Variants in ADARB2 observed in about 807,000 individuals in gnomAD.
The protein encoded by ADARB2 is adenosine deaminase RNA specific B2 (inactive), also known as inactive double-stranded RNA-specific editase B2.
In ADARB2, 25 loss-of-function variants were observed where a neutral mutation model predicts 62.2. The ratio of observed to expected loss-of-function variants is 0.40; its 90% CI spans 0.29 to 0.56. The LOEUF is 0.56. Ranked by LOEUF, ADARB2 falls within the 20% of genes least tolerant of loss-of-function variation. The probability of loss-of-function intolerance (pLI) is 0.43; values close to 1 mark genes in which losing one functional copy is unlikely to be tolerated. For synonymous variants in ADARB2, 572 were observed against 500.8 expected (o/e 1.14, Z -1.90); for missense variants, 1,071 against 1,077.4 (o/e 0.99, Z 0.08).
chr10:1,204,957 T>C (rs911295639), intron 7 of ADARB2, among the ~76,000 whole-genome samples: 7 of 152,194 alleles, frequency 4.6e-5, no homozygotes, highest in African/African-American at 1.7e-4. Context: ...GACTGTGACA[T>C]CCACAGGGTG....
At chr10:1,491,545 G>A (rs1459862842) in intron 1 of ADARB2, among the ~76,000 whole-genome samples, 1 of 152,110 alleles carries the variant, frequency 6.6e-6, no homozygotes, top group Non-Finnish European at 1.5e-5. Flanking sequence ...CTGACAATTA[G>A]CAGGGCCAAT....
chr10:1,653,886 C>T (rs961516969), intron 1 of ADARB2, among the ~76,000 whole-genome samples: 1 of 152,106 alleles, frequency 6.6e-6, no homozygotes, highest in South Asian at 2.1e-4. Context: ...ATTGAAAGGC[C>T]GCCTTGCCCC....
At chr10:1,699,012 C>T (rs929151014) in intron 1 of ADARB2, among the ~76,000 whole-genome samples, 43 of 152,342 alleles carry the variant, frequency 2.8e-4, no homozygotes, top group Admixed American at 2.4e-3. Context: ...ACATCCACCT[C>T]GGCCTCCCGA....
chr10:1,406,914 G>A (rs999792739), intron 1 of ADARB2, among the ~76,000 whole-genome samples: 1 of 152,132 alleles, frequency 6.6e-6, no homozygotes, highest in Non-Finnish European at 1.5e-5. Context: ...AGGAGCTTAT[G>A]CCCCCCTCGC....
At chr10:1,637,008 CT>C (rs888902775) in intron 1 of ADARB2, among the ~76,000 whole-genome samples, 6 of 151,470 alleles carry the variant, frequency 4.0e-5, no homozygotes, top group African/African-American at 1.5e-4. Context: ...AACAGTCTTT[CT>C]TTTTTTTCTG....
chr10:1,412,989 G>T lies in ADARB2; in HGVS notation c.101-33829C>A, dbSNP rs540839798. 5.3e-5 allele frequency among the ~76,000 whole-genome samples: 8 copies of T among 152,350 alleles called. No homozygotes were observed. The South Asian group carries it at 1.7e-3, about 32-fold the overall frequency. On this transcript the variant is annotated intron_variant, in intron 1 of 9. Coordinates refer to ENST00000381312, the MANE Select transcript of ADARB2 (RefSeq NM_018702.4). ...GGGTCTTGCCCACTGCCTCAGGGCT[G>T]GCGGGAGGGTGGATGGGCCCTCGGG...
intron 3 of ADARB2, among the ~76,000 whole-genome samples, chr10:1,276,126 G>A (rs1389380643): frequency 6.6e-6 from 1 of 152,092 alleles, no homozygotes; most frequent in Non-Finnish European, 1.5e-5. Context: ...CCCACCAACA[G>A]TGTAAAAGTG....
At chr10:1,689,206 G>A (rs755368926) in intron 1 of ADARB2, among the ~76,000 whole-genome samples, 54 of 152,314 alleles carry the variant, frequency 3.5e-4, no homozygotes, top group African/African-American at 1.2e-3. Flanking sequence ...TACTGATAAT[G>A]CCCAGGTTGC....
At chr10:1,549,641 G>A (rs10903478) in intron 1 of ADARB2, among the ~76,000 whole-genome samples, 87,723 of 151,930 alleles carry the variant, frequency 0.58, 25,586 homozygotes, top group East Asian at 0.76. Context: ...AGAGAGCTGC[G>A]TAAGAGAGAA....
intron 3 of ADARB2, among the ~76,000 whole-genome samples, chr10:1,327,122 C>A (rs1831866468): frequency 8.8e-6 from 1 of 113,560 alleles, no homozygotes; most frequent in East Asian, 2.6e-4. Flanking sequence ...CACAGCGCCT[C>A]ACTGCACAGC....
intron 1 of ADARB2, among the ~76,000 whole-genome samples, chr10:1,498,201 C>T (rs994366598): frequency 6.6e-6 from 1 of 151,756 alleles, no homozygotes; most frequent in African/African-American, 2.4e-5. Flanking sequence ...TGGTGAAACC[C>T]ATTTTTACTA....
In ADARB2 at chr10:1,541,238, C is replaced by T. The variant is rs61831935; in HGVS notation, c.101-162078G>A. 5.9e-3 allele frequency among the ~76,000 whole-genome samples: 86 copies of T among 14,574 alleles called. 1 individual carries two copies. Among genetic ancestry groups the T allele is most frequent in the Admixed American group, 9.9e-3 (11 of 1,110 alleles). 9.6% of individuals were successfully genotyped at this position (14,574 alleles called of 152,430 possible). A position where few individuals can be genotyped will look rare whatever the true frequency, so the allele number is the denominator to read the frequency against. On this transcript the variant is annotated intron_variant, in intron 1 of 9. Transcript: ENST00000381312. The stretch of plus-strand genomic sequence containing the variant: ...CAGTTCAGACCCTGGATCACAGCCG[C>T]CCAGACCCCACTCAGACGCAGTTCA...
intron 1 of ADARB2, among the ~76,000 whole-genome samples, chr10:1,546,269 T>G (rs1288325707): frequency 6.6e-6 from 1 of 152,212 alleles, no homozygotes; most frequent in Non-Finnish European, 1.5e-5. Context: ...TCAGCAGTAC[T>G]CGTGGTCCCA....
At chr10:1,607,369 C>A (rs910144123) in intron 1 of ADARB2, among the ~76,000 whole-genome samples, 4 of 152,308 alleles carry the variant, frequency 2.6e-5, no homozygotes, top group Non-Finnish European at 5.9e-5. Context: ...GTCTGAAGGA[C>A]CCTGAAACTC....
intron 1 of ADARB2, among the ~76,000 whole-genome samples, chr10:1,521,148 A>G (rs1165908480): frequency 6.6e-6 from 1 of 151,488 alleles, no homozygotes; most frequent in Non-Finnish European, 1.5e-5. Flanking sequence ...GGCTGTAAAA[A>G]CTCTGTATTA....
chr10:1,373,579 A>ATG (rs1406109899), intron 2 of ADARB2, among the ~76,000 whole-genome samples: 2 of 151,956 alleles, frequency 1.3e-5, no homozygotes, highest in South Asian at 2.1e-4. Flanking sequence ...CTTTGTGTGG[A>ATG]TGTGTGTGTG....
rs577436124 is a variant in ADARB2, at chr10:1,342,455, T to G, written c.1077+20573A>C. On this transcript the variant is annotated intron_variant, in intron 3 of 9. Coordinates refer to ENST00000381312, the MANE Select transcript of ADARB2 (RefSeq NM_018702.4). ...CATTCAGGGAACAGTGACTCCTGACTCCTGCAGTCTTCTTCAGGTGGCCAT... is the reference window on the plus strand; with the variant it reads ...CATTCAGGGAACAGTGACTCCTGACGCCTGCAGTCTTCTTCAGGTGGCCAT... Among the ~76,000 whole-genome samples the G allele has an allele frequency of 2.2e-4, 33 of 152,332 alleles. No homozygotes were observed. The South Asian group carries it at 5.0e-3, about 23-fold the overall frequency.
chr10:1,459,510 C>G (rs1342601692), intron 1 of ADARB2, among the ~76,000 whole-genome samples: 1 of 90,798 alleles, frequency 1.1e-5, no homozygotes, highest in Non-Finnish European at 2.1e-5. Context: ...TGCCTGTAAT[C>G]TCAGCATTTT....
intron 1 of ADARB2, among the ~76,000 whole-genome samples, chr10:1,627,167 T>C (rs900335300): frequency 3.9e-5 from 6 of 152,166 alleles, no homozygotes; most frequent in African/African-American, 1.2e-4. Flanking sequence ...CTGAGACTTA[T>C]ACATTTTAAT....
Sources: allele counts gnomAD v4.1 joint callset (sites outside exome capture counted in the v4.1 genomes callset), GRCh38; gene constraint gnomAD v4.1.1; transcripts MANE v1.5; gene names NCBI Gene and HGNC (gene_info 2026-07-23, HGNC 2026-07-21).